Variants in SYN2 observed in about 807,000 individuals in gnomAD.
SYN2 encodes the protein synapsin-2.
In SYN2, 19 loss-of-function variants were observed where a neutral mutation model predicts 50.9. The observed-to-expected ratio is 0.37, with a 90% confidence interval of 0.26 to 0.55. The LOEUF (loss-of-function observed/expected upper bound fraction) is 0.55. Ranked by LOEUF, SYN2 falls within the 20% of genes least tolerant of loss-of-function variation. The probability of loss-of-function intolerance (pLI) is 0.81; values close to 1 mark genes in which losing one functional copy is unlikely to be tolerated. For synonymous variants in SYN2, 255 were observed against 224.9 expected (o/e 1.13, Z -1.20); for missense variants, 587 against 576.4 (o/e 1.02, Z -0.19).
At chr3:12,080,205 G>A (rs1446927026) in intron 1 of SYN2, among the ~76,000 whole-genome samples, 1 of 150,962 alleles carries the variant, frequency 6.6e-6, no homozygotes, top group Non-Finnish European at 1.5e-5. Context: ...TTCTTTACTA[G>A]TCTAGCTAGC....
At chr3:12,120,738 A>C (rs1430037859) in intron 1 of SYN2, among the ~76,000 whole-genome samples, 1 of 152,110 alleles carries the variant, frequency 6.6e-6, no homozygotes, top group Non-Finnish European at 1.5e-5. Flanking sequence ...AGGAGTCATC[A>C]ATCATTCAGA....
rs922589283 is a variant in SYN2 at position 12,113,577 on chromosome 3, G to A, written c.378-27074G>A. ...CTATCTAATCCAGAAATTTCTCATC[G>A]CCCCAAAAGGAAACCCTGTGCCCAT... is the stretch of plus-strand genomic sequence containing the variant. On this transcript the variant is annotated intron_variant, in intron 1 of 12. Transcript: ENST00000621198. Among the ~76,000 whole-genome samples, 5 of 151,996 alleles carry A rather than the reference G, an allele frequency of 3.3e-5. No individual in the cohort carries two copies. In the South Asian group the frequency reaches 6.3e-4, roughly 19 times the overall value.
rs553597216 is a variant in SYN2 at position 12,094,426 on chromosome 3, A to AAT, written c.378-46224_378-46223insTA. 2.6e-5 allele frequency among the ~76,000 whole-genome samples: 4 copies of AAT among 152,344 alleles called. No individual in the cohort carries two copies. The East Asian group carries it at 7.7e-4, about 29-fold the overall frequency. ...TATAAAAAAAATTTATAACAGCCTAAAGATAGGAAATATCAGTTCCATCTC... is the reference window on the plus strand; with the variant it reads ...TATAAAAAAAATTTATAACAGCCTAAATAGATAGGAAATATCAGTTCCATCTC... On this transcript the variant is annotated intron_variant, in intron 1 of 12. Transcript: ENST00000621198.
At chr3:12,175,628 A>G (rs1007605506) in intron 10 of SYN2, among the ~76,000 whole-genome samples, 3 of 152,146 alleles carry the variant, frequency 2.0e-5, no homozygotes, top group Non-Finnish European at 2.9e-5. Context: ...CTCCTTCTCT[A>G]TCGTTGTCCT....
chr3:12,050,340 ATT>A (rs397877649), intron 1 of SYN2, among the ~76,000 whole-genome samples: 50,263 of 112,200 alleles, frequency 0.45, 10,409 homozygotes, highest in South Asian at 0.59. Flanking sequence ...GTTTGGAATG[ATT>A]TTTTTTTTTT....
intron 10 of SYN2, among the ~76,000 whole-genome samples, chr3:12,172,585 C>G (rs1200938556): frequency 6.6e-6 from 1 of 152,204 alleles, no homozygotes; most frequent in Non-Finnish European, 1.5e-5. Flanking sequence ...TGATATGTGA[C>G]AATATGCATA....
intron 1 of SYN2, among the ~76,000 whole-genome samples, chr3:12,007,037 A>G (rs1693816488): frequency 6.6e-6 from 1 of 152,210 alleles, no homozygotes; most frequent in South Asian, 2.1e-4. Context: ...GTATCTATAG[A>G]TAGGTACTGA....
At chr3:12,132,575 G>T (rs1036547571) in intron 1 of SYN2, among the ~76,000 whole-genome samples, 1 of 152,200 alleles carries the variant, frequency 6.6e-6, no homozygotes, top group African/African-American at 2.4e-5. Flanking sequence ...TATCTTTACA[G>T]ACTGAAGACG....
chr3:12,147,712 AC>A (rs1269316002), intron 4 of SYN2, among the ~76,000 whole-genome samples: 2 of 152,130 alleles, frequency 1.3e-5, no homozygotes, highest in Non-Finnish European at 2.9e-5. Flanking sequence ...CAACTCTCTG[AC>A]CGAACCTGTG....
intron 1 of SYN2, among the ~76,000 whole-genome samples, chr3:12,139,245 C>T (rs1458144365): frequency 6.6e-6 from 1 of 152,132 alleles, no homozygotes; most frequent in Admixed American, 6.6e-5. Context: ...AGCCTGGCCT[C>T]GTCCCGGGTA....
At chr3:12,177,967 G>C (rs1698122513) in intron 10 of SYN2, among the ~76,000 whole-genome samples, 1 of 152,194 alleles carries the variant, frequency 6.6e-6, no homozygotes, top group African/African-American at 2.4e-5. Context: ...CTCATCCCTG[G>C]GCACCTTTTA....
intron 1 of SYN2, among the ~76,000 whole-genome samples, chr3:12,047,389 GAGA>G (rs1273610767): frequency 6.6e-6 from 1 of 152,158 alleles, no homozygotes; most frequent in African/African-American, 2.4e-5. Flanking sequence ...GTCATCTACT[GAGA>G]AGAAGGAAGG....
At chr3:12,075,388 G>T (rs1695447184) in intron 1 of SYN2, among the ~76,000 whole-genome samples, 1 of 152,160 alleles carries the variant, frequency 6.6e-6, no homozygotes, top group Admixed American at 6.5e-5. Context: ...AATATAATGA[G>T]AAATCTGTTA....
chr3:12,112,387 A>C (rs1696340325), intron 1 of SYN2, among the ~76,000 whole-genome samples: 1 of 152,148 alleles, frequency 6.6e-6, no homozygotes. Flanking sequence ...GACATGGGCC[A>C]CTTAGGTTTG....
intron 1 of SYN2, chr3:12,070,941 T>C (rs1695338634): frequency 5.4e-6 from 3 of 553,142 alleles, no homozygotes; most frequent in African/African-American, 3.8e-5. Flanking sequence ...CCTCCTCCTC[T>C]CTGGAGAAGA....
At chr3:12,172,870 C>G (rs192152275) in intron 10 of SYN2, among the ~76,000 whole-genome samples, 105 of 152,342 alleles carry the variant, frequency 6.9e-4, no homozygotes, top group African/African-American at 2.4e-3. Flanking sequence ...AAATTCTTTA[C>G]TATACACATG....
At chr3:12,037,572 G>C (rs1320269926) in intron 1 of SYN2, among the ~76,000 whole-genome samples, 1 of 152,236 alleles carries the variant, frequency 6.6e-6, no homozygotes, top group Non-Finnish European at 1.5e-5. Flanking sequence ...GTGAGCACAA[G>C]AGCAAGTGAG....
intron 1 of SYN2, among the ~76,000 whole-genome samples, chr3:12,048,686 G>C (rs1041032069): frequency 6.6e-6 from 1 of 152,136 alleles, no homozygotes; most frequent in African/African-American, 2.4e-5. Flanking sequence ...TTTTAATATA[G>C]TATCTCATTT....
At chr3:12,153,435 A>G in intron 5 of SYN2, 2 of 1,519,716 alleles carry the variant, frequency 1.3e-6, no homozygotes, top group Non-Finnish European at 1.8e-6. Context: ...GTCAGGTGGT[A>G]ATGGCCAAAG....
Sources: gnomAD v4.1 joint callset for allele counts (sites outside exome capture counted in the v4.1 genomes callset) on GRCh38, gnomAD v4.1.1 for gene constraint, MANE v1.5 for transcripts, NCBI Gene and HGNC (gene_info 2026-07-23, HGNC 2026-07-21) for gene names.